The following MB21D2 variants were observed in gnomAD, a reference collection of about 807,000 sequenced individuals.
MB21D2 encodes the protein Mab-21 domain containing 2, also known as nucleotidyltransferase MB21D2.
In MB21D2, 9 loss-of-function variants were observed where a neutral mutation model predicts 33.3. That is an observed-to-expected ratio of 0.27 (90% CI 0.16 to 0.47). The LOEUF is 0.47. MB21D2 is among the 20% of genes least tolerant of loss of function. MB21D2 has a pLI of 0.99. For missense variants in MB21D2, 540 were observed against 624.6 expected (o/e 0.86, Z 1.44); for synonymous variants, 241 against 236.3 (o/e 1.02, Z -0.18).
intron 1 of MB21D2, among the ~76,000 whole-genome samples, chr3:192,873,579 G>A (rs1241562782): frequency 3.3e-5 from 5 of 152,170 alleles, no homozygotes; most frequent in African/African-American, 4.8e-5. Context: ...CACCACTGGA[G>A]AAACCAAGCA....
chr3:192,893,940 G>A (rs1713910628), intron 1 of MB21D2, among the ~76,000 whole-genome samples: 1 of 152,110 alleles, frequency 6.6e-6, no homozygotes, highest in South Asian at 2.1e-4. Context: ...GGAGGCTGAG[G>A]CAAAAGGATT....
At chr3:192,841,419 T>C (rs1304664402) in intron 1 of MB21D2, among the ~76,000 whole-genome samples, 1 of 152,262 alleles carries the variant, frequency 6.6e-6, no homozygotes, top group Non-Finnish European at 1.5e-5. Context: ...TAAAAGGCAT[T>C]GCAGCTTCAA....
chr3:192,818,396 T>C (rs577898831), intron 1 of MB21D2, among the ~76,000 whole-genome samples: 1 of 152,138 alleles, frequency 6.6e-6, no homozygotes, highest in South Asian at 2.1e-4. Context: ...TCACATGCAA[T>C]TTTCCTAGAA....
At chr3:192,807,573 T>G (rs2108610716) in intron 1 of MB21D2, among the ~76,000 whole-genome samples, 1 of 152,288 alleles carries the variant, frequency 6.6e-6, no homozygotes, top group South Asian at 2.1e-4. Flanking sequence ...TGTCAACTAC[T>G]TAATTACTCC....
chr3:192,833,895 C>G (rs1712374613), intron 1 of MB21D2, among the ~76,000 whole-genome samples: 1 of 152,188 alleles, frequency 6.6e-6, no homozygotes, highest in Non-Finnish European at 1.5e-5. Context: ...CTGCAGACTT[C>G]CCTCTCTTTC....
rs770121215 is a variant in MB21D2 at position 192,798,737 on chromosome 3, G to A, written c.1125C>T (p.Pro375=). The A allele has an allele frequency of 6.2e-7, 1 of 1,613,332 alleles. No individual in the cohort carries two copies. The highest frequency in any genetic ancestry group is 1.1e-5 in the South Asian group (1 of 91,078). Residue 375 remains proline, a synonymous_variant, in exon 2 of 2, where the codon CCC becomes CCT. Transcript: ENST00000392452. This position sits in a 1 kb window ranked among gnomAD's most constrained non-coding sequence, Gnocchi z 4.8. ...LQHCLVNKMC[P]NYFIPQCNML... Reference sequence around the variant, plus strand: ...TGTTGCACTGAGGGATGAAATAATTGGGGCACATCTTGTTGACCAGACAGT... The same window carrying A: ...TGTTGCACTGAGGGATGAAATAATTAGGGCACATCTTGTTGACCAGACAGT...
In MB21D2 at chr3:192,887,412, G is replaced by C. The variant is rs929792791; in HGVS notation, c.211+30218C>G. On this transcript the variant is annotated intron_variant, in intron 1 of 1. Transcript: ENST00000392452. ...CAAGATGAAAAGAGTTCTTGAAATT[G>C]ATTGCACAAAAATGTGAACGTACTT... Among the ~76,000 whole-genome samples the C allele has an allele frequency of 2.0e-5, 3 of 152,216 alleles. No individual in the cohort carries two copies. In the East Asian group the frequency reaches 5.8e-4, roughly 29 times the overall value.
intron 1 of MB21D2, among the ~76,000 whole-genome samples, chr3:192,872,446 A>G (rs6802604): frequency 0.61 from 92,178 of 150,544 alleles, 30,205 homozygotes; most frequent in African/African-American, 0.85. Flanking sequence ...CGTGGTGGCG[A>G]GCGCCTGTAG....
Position 192,892,853 on chromosome 3 carries a change from C to A in MB21D2, c.211+24777G>T, listed in dbSNP as rs143083710. 3.0e-3 allele frequency among the ~76,000 whole-genome samples: 458 copies of A among 152,206 alleles called. 5 individuals carry two copies. Among genetic ancestry groups the A allele is most frequent in the African/African-American group, 0.011 (439 of 41,530 alleles). On this transcript the variant is annotated intron_variant, in intron 1 of 1. Transcript: ENST00000392452. ...TACCCTAATGTTTCTAACAGAATTA[C>A]ACAAAGGGCATAGAATTATGTACAA...
Position 192,871,735 on chromosome 3 carries a change from C to T in MB21D2, c.211+45895G>A, listed in dbSNP as rs73201153. Among the ~76,000 whole-genome samples the T allele has an allele frequency of 6.0e-3, 918 of 152,172 alleles. 2 individuals carry two copies. Among genetic ancestry groups the T allele is most frequent in the Non-Finnish European group, 9.0e-3 (611 of 68,008 alleles). The stretch of plus-strand genomic sequence containing the variant: ...GCTGTGGAGGTGGGGAGAAGCCAAA[C>T]GGCCCTTAAAACAGGTTAACAGGGA... On this transcript the variant is annotated intron_variant, in intron 1 of 1. Transcript: ENST00000392452.
rs377569367 is a variant in MB21D2, at chr3:192,799,446, C to T, written c.416G>A (p.Arg139His). 11 of 1,614,178 alleles carry T rather than the reference C, an allele frequency of 6.8e-6. No homozygotes were observed. The highest frequency in any genetic ancestry group is 1.1e-5 in the South Asian group (1 of 91,074). Residue 139 changes from arginine (R) to histidine (H), a missense_variant, in exon 2 of 2, where the codon CGC becomes CAC. Physicochemically the swap from Arg to His is conservative, Grantham distance 29 (BLOSUM62 0). Coordinates refer to ENST00000392452, the MANE Select transcript of MB21D2 (RefSeq NM_178496.4). This position sits in a 1 kb window ranked among gnomAD's most constrained non-coding sequence, Gnocchi z 4.1. ...CCAAGAGTGGCACAAGGCTGAGTGG[C>T]GCATGTCGAGTGTCACAGGCTGATT... ...DRNQPVTLDM[R>H]HSALCHSWLS...
intron 1 of MB21D2, among the ~76,000 whole-genome samples, chr3:192,828,992 A>C (rs1712254681): frequency 6.6e-6 from 1 of 152,010 alleles, no homozygotes. Context: ...AAGTTTGGCA[A>C]AGGTATAAAG....
At chr3:192,893,509 A>C (rs912609904) in intron 1 of MB21D2, among the ~76,000 whole-genome samples, 1 of 152,240 alleles carries the variant, frequency 6.6e-6, no homozygotes, top group African/African-American at 2.4e-5. Flanking sequence ...GATTAGCTGA[A>C]GATGACACAG....
intron 1 of MB21D2, among the ~76,000 whole-genome samples, chr3:192,907,231 TA>T (rs1279266291): frequency 6.6e-6 from 1 of 152,152 alleles, no homozygotes; most frequent in African/African-American, 2.4e-5. Context: ...TCACAAGCCC[TA>T]AGGATGAGTT....
chr3:192,860,864 T>C (rs569897488), intron 1 of MB21D2, among the ~76,000 whole-genome samples: 56 of 152,376 alleles, frequency 3.7e-4, no homozygotes, highest in African/African-American at 1.3e-3. Flanking sequence ...ATACCAATTC[T>C]GTGTATTTAC....
intron 1 of MB21D2, among the ~76,000 whole-genome samples, chr3:192,845,974 T>A (rs2108627343): frequency 6.6e-6 from 1 of 152,256 alleles, no homozygotes; most frequent in African/African-American, 2.4e-5. Context: ...TCCCAGCTGC[T>A]TGGGAGGCTG....
At chr3:192,860,450 G>A (rs192662392) in intron 1 of MB21D2, among the ~76,000 whole-genome samples, 20 of 152,200 alleles carry the variant, frequency 1.3e-4, no homozygotes, top group African/African-American at 4.3e-4. Flanking sequence ...ATTTCAAAAG[G>A]AGAAATGTCA....
intron 1 of MB21D2, among the ~76,000 whole-genome samples, chr3:192,865,258 G>C (rs985264128): frequency 6.6e-6 from 1 of 152,340 alleles, no homozygotes; most frequent in African/African-American, 2.4e-5. Flanking sequence ...CCAGGGAGCT[G>C]ATCAGCATGA....
intron 1 of MB21D2, among the ~76,000 whole-genome samples, chr3:192,848,471 T>C (rs889235662): frequency 6.6e-6 from 1 of 152,218 alleles, no homozygotes; most frequent in Admixed American, 6.5e-5. Flanking sequence ...TGTACTACTA[T>C]AGATGCATGC....
Sources: allele counts gnomAD v4.1 joint callset (sites outside exome capture counted in the v4.1 genomes callset), GRCh38; gene constraint gnomAD v4.1.1; non-coding constraint Gnocchi (gnomAD v3.1); transcripts MANE v1.5; gene names NCBI Gene and HGNC (gene_info 2026-07-23, HGNC 2026-07-21).